Variants in BRINP3 observed in about 807,000 individuals in gnomAD.
BRINP3 encodes the protein BMP/retinoic acid inducible neural specific 3.
A neutral mutation model predicts 71.0 loss-of-function variants in BRINP3; 19 were observed. The observed-to-expected ratio is 0.27, with a 90% CI of 0.19 to 0.39. The LOEUF is 0.39. BRINP3 is among the 10% of genes least tolerant of loss of function. BRINP3 has a pLI of 1.00. For synonymous variants in BRINP3, 380 were observed against 337.7 expected, an observed-to-expected ratio of 1.13 and a Z score of -1.37; for missense variants, 959 against 940.8, an observed-to-expected ratio of 1.02 and a Z score of -0.25.
chr1:190,169,257 A>G (rs771094696), intron 6 of BRINP3, among the ~76,000 whole-genome samples: 1 of 152,190 alleles, frequency 6.6e-6, no homozygotes, highest in Non-Finnish European at 1.5e-5. Flanking sequence ...CTGCTTCTTC[A>G]TATCCCCTTA....
chr1:190,409,653 A>G (rs1228057262), intron 2 of BRINP3, among the ~76,000 whole-genome samples: 9 of 152,160 alleles, frequency 5.9e-5, no homozygotes, highest in Non-Finnish European at 1.3e-4. Flanking sequence ...ACTTTGGGAG[A>G]ATAGAAACTG....
intron 2 of BRINP3, among the ~76,000 whole-genome samples, chr1:190,344,420 C>T (rs566246027): frequency 6.6e-6 from 1 of 151,696 alleles, no homozygotes; most frequent in Admixed American, 6.6e-5. Context: ...ACTATGATTG[C>T]TGAATTGGCC....
chr1:190,460,287 A>G (rs1676298089), intron 1 of BRINP3, among the ~76,000 whole-genome samples: 1 of 150,600 alleles, frequency 6.6e-6, no homozygotes. Flanking sequence ...GTAGTACCCC[A>G]GAATCTGTTT....
chr1:190,240,601 T>C (rs1228684247), intron 4 of BRINP3, among the ~76,000 whole-genome samples: 2 of 151,820 alleles, frequency 1.3e-5, no homozygotes, highest in African/African-American at 4.8e-5. Flanking sequence ...TGGGTGTGAT[T>C]GCTCAAGCAT....
At chr1:190,273,403 T>A (rs1662283729) in intron 3 of BRINP3, among the ~76,000 whole-genome samples, 1 of 151,580 alleles carries the variant, frequency 6.6e-6, no homozygotes, top group Non-Finnish European at 1.5e-5. Flanking sequence ...TCTGAGTCTG[T>A]TAGGCAGCAA....
At chr1:190,385,008 C>T (rs936541958) in intron 2 of BRINP3, among the ~76,000 whole-genome samples, 7 of 151,996 alleles carry the variant, frequency 4.6e-5, no homozygotes, top group Non-Finnish European at 1.0e-4. Context: ...GGAAAACTGG[C>T]TAGCCATATG....
rs77740614 is a variant in BRINP3, at chr1:190,314,302, C to T, written c.237-32552G>A. Among the ~76,000 whole-genome samples the T allele has an allele frequency of 3.1e-3, 468 of 152,022 alleles. 5 individuals carry two copies. Among genetic ancestry groups the T allele is most frequent in the African/African-American group, 0.011 (442 of 41,472 alleles). ...CCTGGAGAAGTAAATATTGGGTAAG[C>T]AGAATAATTGCCTTCCCCAAAATGC... On this transcript the variant is annotated intron_variant, in intron 2 of 7. Transcript: ENST00000367462.
chr1:190,177,887 C>T (rs1652684429), intron 6 of BRINP3, among the ~76,000 whole-genome samples: 1 of 152,144 alleles, frequency 6.6e-6, no homozygotes, highest in Admixed American at 6.5e-5. Context: ...AAAATGGTTG[C>T]ATCTGTACTG....
At chr1:190,379,633 G>C (rs988423724) in intron 2 of BRINP3, among the ~76,000 whole-genome samples, 1 of 152,006 alleles carries the variant, frequency 6.6e-6, no homozygotes, top group African/African-American at 2.4e-5. Flanking sequence ...GGGATAGCAG[G>C]GGAGAGAAGA....
At chr1:190,299,633 T>C (rs1216648011) in intron 2 of BRINP3, among the ~76,000 whole-genome samples, 3 of 136,312 alleles carry the variant, frequency 2.2e-5, no homozygotes, top group Non-Finnish European at 4.6e-5. Context: ...CCTTCCTGTG[T>C]CCATGTGTTC....
chr1:190,278,094 C>T (rs1360890970), intron 3 of BRINP3, among the ~76,000 whole-genome samples: 2 of 151,510 alleles, frequency 1.3e-5, no homozygotes, highest in Non-Finnish European at 3.0e-5. Flanking sequence ...ATATGATATA[C>T]TAAATAACTC....
chr1:190,428,830 C>A (rs1320245396), intron 2 of BRINP3, among the ~76,000 whole-genome samples: 2 of 151,898 alleles, frequency 1.3e-5, no homozygotes, highest in Non-Finnish European at 2.9e-5. Flanking sequence ...AAAACAAATG[C>A]ATATTAAACT....
intron 2 of BRINP3, among the ~76,000 whole-genome samples, chr1:190,375,028 A>T (rs1670097677): frequency 6.6e-6 from 1 of 152,018 alleles, no homozygotes; most frequent in African/African-American, 2.4e-5. Flanking sequence ...AATTTTTCAG[A>T]AATAGACCCA....
chr1:190,156,714 C>A lies in BRINP3; in HGVS notation c.1184+3954G>T, dbSNP rs187891391. Among the ~76,000 whole-genome samples, 321 of 151,444 alleles carry A rather than the reference C, an allele frequency of 2.1e-3. 2 individuals are homozygous for A. The highest frequency in any genetic ancestry group is 3.0e-3 in the Non-Finnish European group (203 of 67,846). ...ACTAATAGTCAACTTAGGAATTACGCTAAATTAAAAAAAAGGAAGTCAAGA... is the reference window on the plus strand; with the variant it reads ...ACTAATAGTCAACTTAGGAATTACGATAAATTAAAAAAAAGGAAGTCAAGA... On this transcript the variant is annotated intron_variant, in intron 7 of 7. Coordinates refer to ENST00000367462, the MANE Select transcript of BRINP3 (RefSeq NM_199051.3).
Position 190,454,909 on chromosome 1 carries a change from G to C in BRINP3, c.-19C>G, listed in dbSNP as rs574580155. The C allele has an allele frequency of 1.3e-6, 2 of 1,599,986 alleles. No individual in the cohort carries two copies. The highest frequency in any genetic ancestry group is 2.2e-5 in the South Asian group (2 of 90,708). On this transcript the variant is annotated 5_prime_UTR_variant, in exon 2 of 8. Coordinates refer to ENST00000367462, the MANE Select transcript of BRINP3 (RefSeq NM_199051.3). ...ATATCATGCTTCCACTGGGGATTTA[G>C]AGCCTTCATTCTCTCAGCTTTCCCT...
In BRINP3 at chr1:190,098,936, G is replaced by A. The variant is rs772629981; in HGVS notation, c.1383C>T (p.Gly461=). 6.2e-7 allele frequency: 1 copy of A among 1,614,182 alleles called. No homozygotes were observed. Among genetic ancestry groups the A allele is most frequent in the South Asian group, 1.1e-5 (1 of 91,082 alleles). The change falls in exon 8 of 8, where the codon GGC becomes GGT. Residue 461 remains glycine (G), a synonymous_variant. Transcript: ENST00000367462. ...TGAGCATGTAGCCGGTGTTGCAGGT[G>A]CCGCAGCGGGTGCGGTTGTCTGGTG... ...TCAPDNRTRC[G]TCNTGYMLSQ... is the part of the protein sequence containing the mutation.
chr1:190,193,311 T>C (rs906725432), intron 6 of BRINP3, among the ~76,000 whole-genome samples: 1 of 152,022 alleles, frequency 6.6e-6, no homozygotes, highest in African/African-American at 2.4e-5. Flanking sequence ...AGAGGTAATG[T>C]GTGAAGCCCA....
At chr1:190,136,720 T>C (rs1239214938) in intron 7 of BRINP3, among the ~76,000 whole-genome samples, 1 of 152,112 alleles carries the variant, frequency 6.6e-6, no homozygotes, top group Non-Finnish European at 1.5e-5. Context: ...GAAGCCATTA[T>C]TCTTACCTTA....
chr1:190,314,533 C>T (rs1055031073), intron 2 of BRINP3, among the ~76,000 whole-genome samples: 8 of 152,078 alleles, frequency 5.3e-5, no homozygotes, highest in African/African-American at 1.9e-4. Context: ...ATCAGCTTAA[C>T]CATGCTGTCT....
Sources: gnomAD v4.1 joint callset for allele counts (sites outside exome capture counted in the v4.1 genomes callset) on GRCh38, gnomAD v4.1.1 for gene constraint, MANE v1.5 for transcripts, NCBI Gene and HGNC (gene_info 2026-07-23, HGNC 2026-07-21) for gene names.